The following C2 variants were observed in gnomAD, a reference collection of about 807,000 sequenced individuals.
The protein encoded by C2 is complement C2.
C2 carries 64 observed loss-of-function variants against 85.2 expected under a neutral mutation model. That is an observed-to-expected ratio of 0.75 (90% CI 0.61 to 0.92). The LOEUF (loss-of-function observed/expected upper bound fraction) is 0.92, where lower values mean the gene tolerates loss of function less well. C2 is among the 40% of genes least tolerant of loss of function. The probability of loss-of-function intolerance (pLI) is 0.00; values close to 1 mark genes in which losing one functional copy is unlikely to be tolerated. For missense variants in C2, 820 were observed against 971.6 expected, an observed-to-expected ratio of 0.84 and a Z score of 2.07; for synonymous variants, 311 against 370.8, an observed-to-expected ratio of 0.84 and a Z score of 1.85.
chr6:31,933,101 C>T (rs1418038970), intron 3 of C2, among the ~76,000 whole-genome samples: 1 of 151,940 alleles, frequency 6.6e-6, no homozygotes, highest in African/African-American at 2.4e-5. Flanking sequence ...CAGAGGGAGA[C>T]CGTGGAAAGA....
At position 31,944,748 on chromosome 6, in the gene C2, G is replaced by T. The variant is rs1302940303; in HGVS notation, c.1924G>T (p.Val642Phe). ...GVEWTSCAEV[V>F]SQEKTMFPNL... The stretch of plus-strand genomic sequence containing the variant: ...GCAGTGGACAAGCTGTGCCGAGGTT[G>T]TCTCCCAAGAAAAAACCATGTTCCC... Residue 642 changes from valine (V) to phenylalanine (F), a missense_variant, in exon 16 of 18, where the codon GTC becomes TTC. Val to Phe is a conservative substitution (Grantham distance 50). Transcript: ENST00000299367. The surrounding 1 kb of genome is among the most constrained non-coding windows in gnomAD (Gnocchi z 5.1). 2 of 1,613,004 alleles carry T rather than the reference G, an allele frequency of 1.2e-6. No individual in the cohort carries two copies. The highest frequency in any genetic ancestry group is 1.7e-6 in the Non-Finnish European group (2 of 1,180,058).
rs1298807807 is a variant in C2, at chr6:31,943,830, G to A, written c.1733+21G>A. On this transcript the variant is annotated intron_variant, in intron 13 of 17. Transcript: ENST00000299367. This position sits in a 1 kb window ranked among gnomAD's most constrained non-coding sequence, Gnocchi z 6.4. ...GCCAGGTGCCTGGAGTCTGGGATGG[G>A]AGGGTGCCCTGCAGGGAAGAGTGCT... 2 of 1,612,810 alleles carry A rather than the reference G, an allele frequency of 1.2e-6. No individual in the cohort carries two copies. Among genetic ancestry groups the A allele is most frequent in the East Asian group, 4.5e-5 (2 of 44,880 alleles).
In C2 at chr6:31,928,844, G is replaced by A; in HGVS notation, c.369G>A (p.Leu123=). The A allele has an allele frequency of 6.2e-7, 1 of 1,614,246 alleles. No homozygotes were observed. Among genetic ancestry groups the A allele is most frequent in the Non-Finnish European group, 8.5e-7 (1 of 1,180,040 alleles). ...VSFECEDGFI[L]RGSPVRQCRP... is the part of the protein sequence containing the mutation. ...TCGAGTGTGAGGATGGCTTCATATT[G>A]CGGGGCTCGCCTGTGCGTCAGTGTC... Residue 123 remains leucine (L), a synonymous_variant, in exon 3 of 18, where the codon TTG becomes TTA. Coordinates refer to ENST00000299367, the MANE Select transcript of C2 (RefSeq NM_000063.6).
chr6:31,909,699 T>C (rs974757832), intron 1 of C2, among the ~76,000 whole-genome samples: 2 of 151,308 alleles, frequency 1.3e-5, no homozygotes, highest in Non-Finnish European at 2.9e-5. Context: ...GCTTCCCAAA[T>C]TCCTCTCAGC....
chr6:31,905,719 C>A (rs1220361406), intron 1 of C2, among the ~76,000 whole-genome samples: 1 of 152,044 alleles, frequency 6.6e-6, no homozygotes, highest in Non-Finnish European at 1.5e-5. Flanking sequence ...ATCTTGAAGT[C>A]ATCAAGGCTC....
upstream of C2, chr6:31,899,731 C>T (rs968486233): frequency 4.9e-6 from 3 of 610,852 alleles, no homozygotes; most frequent in South Asian, 5.0e-5. Flanking sequence ...CTTTTCCCAG[C>T]TCCAGATTCT....
At chr6:31,902,359 A>T (rs1162079031) in intron 1 of C2, among the ~76,000 whole-genome samples, 1 of 150,690 alleles carries the variant, frequency 6.6e-6, no homozygotes, top group Non-Finnish European at 1.5e-5. Context: ...CCATGGCGCT[A>T]CTCGCTCCGC....
upstream of C2, chr6:31,900,724 G>A (rs1419294169): frequency 6.3e-7 from 1 of 1,599,016 alleles, no homozygotes; most frequent in Non-Finnish European, 8.5e-7. The surrounding 1 kb of genome is among the most constrained non-coding windows in gnomAD (Gnocchi z 9.7). Context: ...CCTCTTCCTC[G>A]GCTTTCAGCT....
chr6:31,906,831 CAAGTT>C (rs1767743105), intron 1 of C2, among the ~76,000 whole-genome samples: 2 of 151,710 alleles, frequency 1.3e-5, no homozygotes, highest in South Asian at 2.1e-4. Flanking sequence ...AAAAAGCTGT[CAAGTT>C]AAGAATTAGA....
chr6:31,918,882 C>CAAAAA (rs9281625), upstream of C2, among the ~76,000 whole-genome samples: 3 of 74,402 alleles, frequency 4.0e-5, no homozygotes, highest in Non-Finnish European at 4.9e-5. Flanking sequence ...GACTCTGTCT[C>CAAAAA]AAAAAAAAAA....
rs1185836827 is a variant in C2, at chr6:31,943,389, C to G, written c.1456-27C>G. The G allele has an allele frequency of 1.9e-6, 3 of 1,609,904 alleles. No individual in the cohort carries two copies. Among genetic ancestry groups the G allele is most frequent in the Non-Finnish European group, 2.5e-6 (3 of 1,177,110 alleles). ...GGCCATGGGCCAGACATACTGCAAT[C>G]TCTGAAAATCACCTGTTCCCCTGCA... On this transcript the variant is annotated intron_variant, in intron 11 of 17. Coordinates refer to ENST00000299367, the MANE Select transcript of C2 (RefSeq NM_000063.6). The surrounding 1 kb of genome is among the most constrained non-coding windows in gnomAD (Gnocchi z 6.4).
At chr6:31,911,628 CTTT>C (rs375372431) in intron 1 of C2, among the ~76,000 whole-genome samples, 1 of 141,260 alleles carries the variant, frequency 7.1e-6, no homozygotes, top group African/African-American at 2.6e-5. Context: ...GTGTTTCTTT[CTTT>C]TTTTTTTTTT....
At position 31,928,081 on chromosome 6, in the gene C2, C is replaced by T. The variant is rs766612461; in HGVS notation, c.173C>T (p.Ser58Phe). 5.6e-6 allele frequency: 9 copies of T among 1,614,118 alleles called. No homozygotes were observed. The African/African-American group carries it at 8.0e-5, about 14-fold the overall frequency. Residue 58 changes from serine (S) to phenylalanine (F), a missense_variant, in exon 2 of 18, where the codon TCC (serine) becomes TTC (phenylalanine). Coordinates refer to ENST00000299367, the MANE Select transcript of C2 (RefSeq NM_000063.6). ...TCCTGCCCCCAGGGCCTGTACCCAT[C>T]CCCAGCATCACGGCTGTGCAAGAGC... ...TYSCPQGLYP[S>F]PASRLCKSSG...
At chr6:31,929,036 A>G in intron 3 of C2, 119 bp downstream of exon 3, 1 of 948,744 alleles carries the variant, frequency 1.1e-6, no homozygotes, top group Non-Finnish European at 1.6e-6. Flanking sequence ...GTGTGCCATA[A>G]TAATATTCCT....
At chr6:31,932,341 G>A (rs938680029) in intron 3 of C2, 51 of 197,376 alleles carry the variant, frequency 2.6e-4, no homozygotes, top group Admixed American at 9.2e-4. Flanking sequence ...TGGGCGGAGG[G>A]GCTCCTCACT....
intron 1 of C2, chr6:31,901,430 T>A: frequency 1.9e-6 from 2 of 1,074,398 alleles, no homozygotes; most frequent in South Asian, 1.7e-5. Context: ...GCATCCGATC[T>A]CCCGGTCTTC....
At chr6:31,934,722 GT>G in intron 6 of C2, 1 of 1,146,752 alleles carries the variant, frequency 8.7e-7, no homozygotes, top group Non-Finnish European at 1.1e-6. Flanking sequence ...TAAAATGTGT[GT>G]GATAGACTGG....
At chr6:31,936,882 T>C (rs543005872) in intron 7 of C2, 2 of 208,828 alleles carry the variant, frequency 9.6e-6, no homozygotes, top group East Asian at 2.3e-4. Flanking sequence ...TCTATCTGAA[T>C]GGCAAATGTC....
chr6:31,931,747 T>A (rs1769770381), intron 3 of C2, among the ~76,000 whole-genome samples: 1 of 152,214 alleles, frequency 6.6e-6, no homozygotes, highest in Non-Finnish European at 1.5e-5. Flanking sequence ...ACCGTCATTG[T>A]CATCATGGCC....
Sources: allele counts gnomAD v4.1 joint callset (sites outside exome capture counted in the v4.1 genomes callset), GRCh38; gene constraint gnomAD v4.1.1; non-coding constraint Gnocchi (gnomAD v3.1); transcripts MANE v1.5; gene names NCBI Gene and HGNC (gene_info 2026-07-23, HGNC 2026-07-21).